The following TMEM164 variants were observed in gnomAD, a reference collection of about 807,000 sequenced individuals.
TMEM164 encodes transmembrane protein 164.
TMEM164 carries 4 observed loss-of-function variants against 18.8 expected under a neutral mutation model. The observed-to-expected ratio is 0.21, with a 90% CI of 0.10 to 0.49. The LOEUF is 0.49. TMEM164 is among the 20% of genes least tolerant of loss of function. TMEM164 has a pLI of 0.98. For missense variants in TMEM164, 108 were observed against 239.9 expected (o/e 0.45, Z 3.63); for synonymous variants, 86 against 101.7 (o/e 0.85, Z 0.93).
At chrX:110,019,929 C>A (rs1602482859) in intron 2 of TMEM164, among the ~76,000 whole-genome samples, 1 of 112,160 alleles carries the variant, frequency 8.9e-6, no homozygotes, top group East Asian at 2.8e-4. Flanking sequence ...CAGCACCATG[C>A]ACTTCCATTC....
intron 3 of TMEM164, among the ~76,000 whole-genome samples, chrX:110,093,406 GT>G (rs1204909401): frequency 9.0e-6 from 1 of 111,589 alleles, no homozygotes; most frequent in Non-Finnish European, 1.9e-5. Flanking sequence ...CTTCTTCCTG[GT>G]TTACTCTTGG....
At chrX:110,074,025 A>G (rs1350200208) in intron 3 of TMEM164, among the ~76,000 whole-genome samples, 1 of 110,323 alleles carries the variant, frequency 9.1e-6, no homozygotes, top group East Asian at 2.8e-4. Context: ...CTACAGGCAC[A>G]TGTCCCCATG....
chrX:110,079,089 T>A (rs2065714984), intron 3 of TMEM164, among the ~76,000 whole-genome samples: 1 of 111,206 alleles, frequency 9.0e-6, no homozygotes, highest in African/African-American at 3.3e-5. Flanking sequence ...TTAAGATATA[T>A]ATTTTTTTAA....
chrX:110,080,504 TTC>T (rs772124598), intron 3 of TMEM164, among the ~76,000 whole-genome samples: 1 of 111,581 alleles, frequency 9.0e-6, no homozygotes, highest in African/African-American at 3.2e-5. Flanking sequence ...TGCAGATCTC[TTC>T]TGTCATTCTT....
At chrX:110,066,400 G>A (rs1936342890) in intron 2 of TMEM164, among the ~76,000 whole-genome samples, 1 of 112,008 alleles carries the variant, frequency 8.9e-6, no homozygotes, top group Non-Finnish European at 1.9e-5. Context: ...TCAATCCTCA[G>A]TTCTGCTGAA....
chrX:110,080,212 C>T (rs905555472), intron 3 of TMEM164, among the ~76,000 whole-genome samples: 2 of 111,484 alleles, frequency 1.8e-5, no homozygotes. Flanking sequence ...CCTGTTCAGA[C>T]ATGTTAGAAT....
chrX:110,039,324 T>C (rs1969898956), intron 2 of TMEM164, among the ~76,000 whole-genome samples: 1 of 112,627 alleles, frequency 8.9e-6, no homozygotes, highest in African/African-American at 3.2e-5. Flanking sequence ...ATATTTATCC[T>C]CAGGGCAAGA....
chrX:110,056,431 G>C (rs767648096), intron 2 of TMEM164, among the ~76,000 whole-genome samples: 1 of 112,007 alleles, frequency 8.9e-6, no homozygotes, highest in Admixed American at 9.5e-5. Flanking sequence ...TTGTCTGTTG[G>C]TGAGCATTTG....
At chrX:110,079,435 CTT>C (rs1435792832) in intron 3 of TMEM164, among the ~76,000 whole-genome samples, 3 of 112,258 alleles carry the variant, frequency 2.7e-5, no homozygotes, top group African/African-American at 9.7e-5. Flanking sequence ...GACCGGACCA[CTT>C]TCATTGCTTG....
intron 3 of TMEM164, among the ~76,000 whole-genome samples, chrX:110,079,019 G>A (rs2065713455): frequency 9.0e-6 from 1 of 111,379 alleles, no homozygotes; most frequent in African/African-American, 3.3e-5. Context: ...TGAGGGTACT[G>A]GGAATGTAAC....
chrX:110,038,544 G>A (rs937109853), intron 2 of TMEM164, among the ~76,000 whole-genome samples: 1 of 110,876 alleles, frequency 9.0e-6, no homozygotes, highest in Non-Finnish European at 1.9e-5. Flanking sequence ...GGACACAACT[G>A]ACAATTAAAT....
intron 2 of TMEM164, among the ~76,000 whole-genome samples, chrX:110,006,216 G>T (rs1569290856): frequency 3.6e-5 from 4 of 110,658 alleles, no homozygotes; most frequent in Non-Finnish European, 7.6e-5. Context: ...CTCCTGTGTG[G>T]AAAAAAAGGA....
chrX:110,056,995 A>G (rs969448654), intron 2 of TMEM164, among the ~76,000 whole-genome samples: 6 of 111,150 alleles, frequency 5.4e-5, no homozygotes, highest in African/African-American at 2.0e-4. Context: ...ATTACATCAT[A>G]GAGTTATCAT....
intron 5 of TMEM164, among the ~76,000 whole-genome samples, chrX:110,146,610 CT>C (rs1374691258): frequency 9.0e-6 from 1 of 111,723 alleles, no homozygotes; most frequent in Non-Finnish European, 1.9e-5. Context: ...ACCAAACTGA[CT>C]TTTTACTCCA....
At chrX:110,084,205 A>G (rs902162903) in intron 3 of TMEM164, among the ~76,000 whole-genome samples, 3 of 105,778 alleles carry the variant, frequency 2.8e-5, no homozygotes, top group Non-Finnish European at 3.9e-5. Flanking sequence ...AAGTCCTCAC[A>G]AAAATCAAGA....
At chrX:110,058,175 G>A (rs1935938605) in intron 2 of TMEM164, among the ~76,000 whole-genome samples, 2 of 111,149 alleles carry the variant, frequency 1.8e-5, no homozygotes. Flanking sequence ...TGGATATCCA[G>A]TTACCCCAAC....
At chrX:110,151,238 G>A (rs184230892) in intron 5 of TMEM164, among the ~76,000 whole-genome samples, 1 of 112,023 alleles carries the variant, frequency 8.9e-6, no homozygotes, top group Admixed American at 9.4e-5. Context: ...AATATCTATA[G>A]GATATATTCC....
intron 2 of TMEM164, among the ~76,000 whole-genome samples, chrX:110,021,703 C>T (rs1332333731): frequency 9.0e-6 from 1 of 111,618 alleles, no homozygotes; most frequent in East Asian, 2.8e-4. Flanking sequence ...AGATCTCAGG[C>T]CAATTAAGCC....
At chrX:110,065,457 G>T (rs1033957685) in intron 2 of TMEM164, 1 of 111,340 alleles carries the variant, frequency 9.0e-6, no homozygotes, top group Non-Finnish European at 1.9e-5. Flanking sequence ...TAGCTTCTGA[G>T]TGTAGCCTTT....
Sources: gnomAD v4.1 joint callset for allele counts (sites outside exome capture counted in the v4.1 genomes callset) on GRCh38, gnomAD v4.1.1 for gene constraint, MANE v1.5 for transcripts, NCBI Gene and HGNC (gene_info 2026-07-23, HGNC 2026-07-21) for gene names.